KIFAP3: variants seen among roughly 807,000 people sequenced by gnomAD.
KIFAP3 encodes kinesin-associated protein 3.
A neutral mutation model predicts 106.5 loss-of-function variants in KIFAP3; 68 were observed. The observed-to-expected ratio is 0.64, with a 90% CI of 0.53 to 0.78. KIFAP3 has a LOEUF of 0.78. KIFAP3 is among the 30% of genes least tolerant of loss of function. The probability of loss-of-function intolerance (pLI) is 0.00; values close to 1 mark genes in which losing one functional copy is unlikely to be tolerated. For synonymous variants in KIFAP3, 320 were observed against 311.5 expected (o/e 1.03, Z -0.29); for missense variants, 780 against 941.8 (o/e 0.83, Z 2.25).
chr1:169,940,134 C>A (rs1664029292), intron 19 of KIFAP3, among the ~76,000 whole-genome samples: 1 of 152,122 alleles, frequency 6.6e-6, no homozygotes, highest in Non-Finnish European at 1.5e-5. Flanking sequence ...GAAAAAACTT[C>A]TTTCATTGTA....
At chr1:170,025,596 G>C (rs1213616303) in intron 8 of KIFAP3, among the ~76,000 whole-genome samples, 1 of 152,228 alleles carries the variant, frequency 6.6e-6, no homozygotes, top group Middle Eastern at 3.4e-3. Flanking sequence ...ATGTATAAAG[G>C]CTGTTTAAAT....
intron 19 of KIFAP3, among the ~76,000 whole-genome samples, chr1:169,929,709 G>T (rs973855862): frequency 6.6e-6 from 1 of 151,772 alleles, no homozygotes; most frequent in Non-Finnish European, 1.5e-5. Context: ...AAAACTAAAT[G>T]GCTACAGCAT....
chr1:170,030,773 C>T (rs1238967745), intron 8 of KIFAP3, among the ~76,000 whole-genome samples: 1 of 151,424 alleles, frequency 6.6e-6, no homozygotes, highest in African/African-American at 2.4e-5. Context: ...TCAGTGATGA[C>T]TTGGGAATGA....
intron 15 of KIFAP3, among the ~76,000 whole-genome samples, chr1:169,980,238 T>C: frequency 6.6e-6 from 1 of 152,178 alleles, no homozygotes; most frequent in East Asian, 1.9e-4. Context: ...TTACAATTTA[T>C]GTATGTTATT....
At chr1:169,930,984 A>G (rs992654172) in intron 19 of KIFAP3, among the ~76,000 whole-genome samples, 1 of 144,410 alleles carries the variant, frequency 6.9e-6, no homozygotes, top group Non-Finnish European at 1.5e-5. Flanking sequence ...CAATGGTGCA[A>G]TCCTGGCTCA....
intron 1 of KIFAP3, among the ~76,000 whole-genome samples, chr1:170,057,362 T>C (rs543488863): frequency 1.3e-5 from 2 of 152,230 alleles, no homozygotes; most frequent in South Asian, 4.1e-4. Flanking sequence ...TCCTTTTTAG[T>C]TTTTGTTTGC....
At chr1:170,042,562 C>T (rs554851304) in intron 3 of KIFAP3, among the ~76,000 whole-genome samples, 1 of 152,294 alleles carries the variant, frequency 6.6e-6, no homozygotes, top group African/African-American at 2.4e-5. Flanking sequence ...CCCTTTCTTT[C>T]CAGAAATAAT....
chr1:169,963,725 C>G (rs1048600930), intron 17 of KIFAP3, among the ~76,000 whole-genome samples: 6 of 152,106 alleles, frequency 3.9e-5, no homozygotes, highest in African/African-American at 1.4e-4. Flanking sequence ...AACTCCTGAC[C>G]TCAGGTAATC....
Position 170,080,499 on chromosome 1 carries a change from C to G in KIFAP3, n.174+4536G>C, listed in dbSNP as rs75254290. On this transcript the variant is annotated intron_variant and non_coding_transcript_variant, in intron 1 of 5. Transcript: ENST00000490550. ...TTGAAAGGCTTCATGATTAAAAGACCTACTATAACTTCATTAGTCAATTCA... is the reference window on the plus strand; with the variant it reads ...TTGAAAGGCTTCATGATTAAAAGACGTACTATAACTTCATTAGTCAATTCA... Among the ~76,000 whole-genome samples, 278 of 152,026 alleles carry G rather than the reference C, an allele frequency of 1.8e-3. 1 individual carries two copies. The highest frequency in any genetic ancestry group is 0.01 in the Middle Eastern group (3 of 294).
intron 19 of KIFAP3, among the ~76,000 whole-genome samples, chr1:169,930,939 G>A (rs1268317151): frequency 8.3e-6 from 1 of 120,364 alleles, no homozygotes; most frequent in African/African-American, 3.1e-5. Flanking sequence ...TTTTTTTTGA[G>A]GTGGAGTTTC....
chr1:169,996,935 C>T (rs930549720), intron 10 of KIFAP3, among the ~76,000 whole-genome samples: 7 of 152,136 alleles, frequency 4.6e-5, no homozygotes, highest in African/African-American at 7.2e-5. Context: ...ACTGCATTAT[C>T]CCCCAAGCAG....
intron 19 of KIFAP3, among the ~76,000 whole-genome samples, chr1:169,924,780 G>C (rs547518377): frequency 6.6e-6 from 1 of 152,170 alleles, no homozygotes; most frequent in Non-Finnish European, 1.5e-5. Context: ...AACCCGGAGA[G>C]TTTTCCTTTA....
At chr1:170,047,193 C>T (rs1365514317) in intron 2 of KIFAP3, among the ~76,000 whole-genome samples, 1 of 151,912 alleles carries the variant, frequency 6.6e-6, no homozygotes, top group East Asian at 1.9e-4. Context: ...AGAATCCATA[C>T]CATCATAAAT....
At chr1:169,992,711 C>T (rs1667163922) in intron 10 of KIFAP3, among the ~76,000 whole-genome samples, 1 of 151,500 alleles carries the variant, frequency 6.6e-6, no homozygotes, top group South Asian at 2.1e-4. Context: ...GTAGTTATAA[C>T]AAAAAAATAA....
At position 170,032,053 on chromosome 1, in the gene KIFAP3, C is replaced by A. The variant is rs1410498511; in HGVS notation, c.743-69G>T. 3 of 834,476 alleles carry A rather than the reference C, an allele frequency of 3.6e-6. No homozygotes were observed. In the African/African-American group the frequency reaches 5.1e-5, roughly 14 times the overall value. The allele number at this position is 834,476 out of a possible 1,614,324, so 51.7% of individuals were successfully genotyped here. A position where few individuals can be genotyped will look rare whatever the true frequency, so the allele number is the denominator to read the frequency against. Reference sequence around the variant, plus strand: ...AAAATCTACTGATAAATTCTATGAACAATGGCACTATTAAATTTTATGTGC... The same window carrying A: ...AAAATCTACTGATAAATTCTATGAAAAATGGCACTATTAAATTTTATGTGC... On this transcript the variant is annotated intron_variant, in intron 7 of 19. Coordinates refer to ENST00000361580, the MANE Select transcript of KIFAP3 (RefSeq NM_014970.4).
At chr1:169,974,496 C>G (rs1350616127) in intron 16 of KIFAP3, among the ~76,000 whole-genome samples, 2 of 151,436 alleles carry the variant, frequency 1.3e-5, no homozygotes, top group African/African-American at 4.8e-5. Flanking sequence ...TACAGATTTG[C>G]TACATGGCTA....
intron 19 of KIFAP3, among the ~76,000 whole-genome samples, chr1:169,930,128 G>A (rs1367617853): frequency 2.0e-5 from 3 of 152,118 alleles, no homozygotes; most frequent in Non-Finnish European, 4.4e-5. Context: ...ATGTGGAGAT[G>A]TTATACTTGG....
chr1:170,022,841 T>C (rs1226446121), intron 9 of KIFAP3, among the ~76,000 whole-genome samples: 2 of 152,072 alleles, frequency 1.3e-5, no homozygotes, highest in Non-Finnish European at 2.9e-5. Flanking sequence ...TACCAGAAAA[T>C]AACTTTTAAT....
intron 19 of KIFAP3, among the ~76,000 whole-genome samples, chr1:169,934,217 A>G (rs1663659193): frequency 6.6e-6 from 1 of 152,176 alleles, no homozygotes; most frequent in Non-Finnish European, 1.5e-5. Flanking sequence ...TAATTCATAG[A>G]GATTTATGCC....
Sources: gnomAD v4.1 joint callset for allele counts (sites outside exome capture counted in the v4.1 genomes callset) on GRCh38, gnomAD v4.1.1 for gene constraint, MANE v1.5 for transcripts, NCBI Gene and HGNC (gene_info 2026-07-23, HGNC 2026-07-21) for gene names.